The following CLIP4 variants were observed in gnomAD, a reference collection of about 807,000 sequenced individuals.
The protein encoded by CLIP4 is CAP-Gly domain-containing linker protein 4.
CLIP4 carries 47 observed loss-of-function variants against 73.1 expected under a neutral mutation model. The ratio of observed to expected loss-of-function variants is 0.64; its 90% CI spans 0.51 to 0.82. The LOEUF (loss-of-function observed/expected upper bound fraction) is 0.82, where lower values mean the gene tolerates loss of function less well. Ranked by LOEUF, CLIP4 falls within the 40% of genes least tolerant of loss-of-function variation. The pLI, the probability that CLIP4 is intolerant of heterozygous loss-of-function variation, is 0.00. For missense variants in CLIP4, 874 were observed against 852.9 expected, an observed-to-expected ratio of 1.02 and a Z score of -0.31; for synonymous variants, 306 against 295.4, an observed-to-expected ratio of 1.04 and a Z score of -0.37.
intron 6 of CLIP4, among the ~76,000 whole-genome samples, chr2:29,136,305 G>A (rs542444096): frequency 6.6e-6 from 1 of 152,072 alleles, no homozygotes; most frequent in Non-Finnish European, 1.5e-5. Flanking sequence ...TGTGTGAGCG[G>A]CAGATAGTGT....
chr2:29,166,557 A>ACG (rs1212127129), intron 13 of CLIP4, among the ~76,000 whole-genome samples: 1 of 146,154 alleles, frequency 6.8e-6, no homozygotes, highest in Non-Finnish European at 1.5e-5. Flanking sequence ...ACACACACAC[A>ACG]CACACTGCTC....
intron 4 of CLIP4, chr2:29,132,507 C>T: frequency 2.4e-6 from 1 of 412,770 alleles, no homozygotes; most frequent in Non-Finnish European, 4.3e-6. Flanking sequence ...TAACTAGTAA[C>T]ACCCTAAAAT....
rs569635536 is a variant in CLIP4, at chr2:29,182,627, A to G, written c.*734A>G. The G allele has an allele frequency of 6.6e-6, 1 of 152,626 alleles. No homozygotes were observed. Among genetic ancestry groups the G allele is most frequent in the African/African-American group, 2.4e-5 (1 of 41,516 alleles). 9.5% of individuals were successfully genotyped at this position (152,626 alleles called of 1,614,324 possible). ...CTCTTTCTGCTATACAAAATGTCTA[A>G]TCTCAGATTTTTCTTCTGCTGCTTG... is the stretch of plus-strand genomic sequence containing the variant. On this transcript the variant is annotated 3_prime_UTR_variant, in exon 16 of 16. Transcript: ENST00000320081.
rs144902488 is a variant in CLIP4, at chr2:29,130,290, T to C, written c.134-968T>C. On this transcript the variant is annotated intron_variant, in intron 2 of 15. Coordinates refer to ENST00000320081, the MANE Select transcript of CLIP4 (RefSeq NM_024692.6). ...CAGGGTGCTTTTCTTAATATAAATA[T>C]TAAGTTAGTAAAAAACTGCAAATAG... Among the ~76,000 whole-genome samples the C allele has an allele frequency of 3.7e-3, 564 of 152,242 alleles. 7 individuals are homozygous for C. The highest frequency in any genetic ancestry group is 0.012 in the African/African-American group (518 of 41,526).
In CLIP4 at chr2:29,121,669, T is replaced by C. The variant is rs151139487; in HGVS notation, c.133+148T>C. 5.5e-4 allele frequency: 467 copies of C among 856,150 alleles called. No homozygotes were observed. The African/African-American group carries it at 7.3e-3, about 13-fold the overall frequency. 53.0% of individuals were successfully genotyped at this position (856,150 alleles called of 1,614,324 possible). On this transcript the variant is annotated intron_variant, in intron 2 of 15. Transcript: ENST00000320081. ...TTCCTTTTTCAAAAATACAATTGCTTATTGCTTTTTCTGCTTCTTAAGCTA... is the reference window on the plus strand; with the variant it reads ...TTCCTTTTTCAAAAATACAATTGCTCATTGCTTTTTCTGCTTCTTAAGCTA...
chr2:29,146,811 T>G (rs1231632337), intron 8 of CLIP4, among the ~76,000 whole-genome samples: 1 of 152,176 alleles, frequency 6.6e-6, no homozygotes, highest in Non-Finnish European at 1.5e-5. Context: ...GACACTATCA[T>G]AAGGACTAGT....
At chr2:29,102,156 T>C (rs149120217) in intron 1 of CLIP4, among the ~76,000 whole-genome samples, 134 of 152,270 alleles carry the variant, frequency 8.8e-4, no homozygotes, top group African/African-American at 3.1e-3. Context: ...GGGAACTGAA[T>C]GAACCCTATT....
intron 6 of CLIP4, among the ~76,000 whole-genome samples, chr2:29,136,795 G>T (rs1665397360): frequency 6.6e-6 from 1 of 152,042 alleles, no homozygotes; most frequent in Non-Finnish European, 1.5e-5. Flanking sequence ...TGTGAAGGGG[G>T]GAGGCGTTTG....
upstream of CLIP4, among the ~76,000 whole-genome samples, chr2:29,111,653 G>A (rs114956131): frequency 3.5e-3 from 535 of 152,160 alleles, 2 homozygotes; most frequent in African/African-American, 0.012. Context: ...TTTGATTTGT[G>A]AAAAGTTCCT....
intron 1 of CLIP4, among the ~76,000 whole-genome samples, chr2:29,103,666 G>T (rs780752783): frequency 6.0e-5 from 9 of 150,190 alleles, no homozygotes; most frequent in Non-Finnish European, 1.2e-4. Flanking sequence ...TGACCAACTT[G>T]TTTCAATTTT....
At chr2:29,133,871 C>T (rs1665159776) in intron 5 of CLIP4, 55 bp downstream of exon 5, 6 of 1,382,376 alleles carry the variant, frequency 4.3e-6, no homozygotes, top group Non-Finnish European at 5.8e-6. Flanking sequence ...TTAGTGGTGG[C>T]ATAAAAATTA....
At chr2:29,157,005 ATAT>A (rs1444756656) in intron 10 of CLIP4, among the ~76,000 whole-genome samples, 196 bp from the exon 11 acceptor site, 2 of 152,196 alleles carry the variant, frequency 1.3e-5, no homozygotes, top group Non-Finnish European at 2.9e-5. Context: ...AATCCTTAAA[ATAT>A]TATTGCTTGT....
chr2:29,133,950 G>T, intron 5 of CLIP4, 134 bp downstream of exon 5: 1 of 700,434 alleles, frequency 1.4e-6, no homozygotes, highest in Non-Finnish European at 2.2e-6. Context: ...TTTTATTTCT[G>T]AGATAGTTTA....
Position 29,132,239 on chromosome 2 carries a change from G to C in CLIP4, c.361G>C (p.Gly121Arg), listed in dbSNP as rs1330198173. The C allele has an allele frequency of 6.2e-7, 1 of 1,611,738 alleles. No individual in the cohort carries two copies. Among genetic ancestry groups the C allele is most frequent in the African/African-American group, 1.3e-5 (1 of 74,834 alleles). ...LHYTCKSGAH[G>R]IGDVETAVKF... is the part of the protein sequence containing the mutation. ...TTATACCTGCAAATCTGGAGCTCAT[G>C]GTATTGGTAAGTGTGTGGTAAATCT... The change falls in exon 4 of 16, where the codon GGT becomes CGT. Residue 121 changes from glycine to arginine, a missense_variant. Coordinates refer to ENST00000320081, the MANE Select transcript of CLIP4 (RefSeq NM_024692.6).
At chr2:29,100,640 T>G (rs779565082) in intron 1 of CLIP4, among the ~76,000 whole-genome samples, 3 of 151,562 alleles carry the variant, frequency 2.0e-5, no homozygotes, top group Admixed American at 6.6e-5. Flanking sequence ...ACAATTTGGT[T>G]TTAAGGTGTG....
intron 8 of CLIP4, among the ~76,000 whole-genome samples, chr2:29,148,141 G>C (rs959001063): frequency 1.3e-5 from 2 of 152,288 alleles, no homozygotes; most frequent in Admixed American, 1.3e-4. Context: ...CAGGGGTCAT[G>C]TGTTGGATTG....
At position 29,156,410 on chromosome 2, in the gene CLIP4, G is replaced by A; in HGVS notation, c.1222G>A (p.Gly408Ser). 1 of 1,587,788 alleles carries A rather than the reference G, an allele frequency of 6.3e-7. No homozygotes were observed. Among genetic ancestry groups the A allele is most frequent in the Non-Finnish European group, 8.5e-7 (1 of 1,173,336 alleles). ...ASESTLSLPP[G>S]EELKTVTEKD... The stretch of plus-strand genomic sequence containing the variant: ...TGAGTCAACACTTTCATTGCCTCCT[G>A]GTGAAGAACTTAAAACTGTGACAGA... Residue 408 changes from glycine to serine, a missense_variant, in exon 10 of 16, where the codon GGT (glycine) becomes AGT (serine). By Grantham distance (56) the Gly-to-Ser change is moderately conservative. Transcript: ENST00000320081.
intron 5 of CLIP4, among the ~76,000 whole-genome samples, chr2:29,134,345 G>T (rs531897029): frequency 5.9e-5 from 9 of 151,978 alleles, no homozygotes; most frequent in African/African-American, 2.2e-4. Context: ...GGTTCTCTTG[G>T]GGCCCAATTT....
chr2:29,140,048 C>A (rs1227580296), intron 6 of CLIP4, among the ~76,000 whole-genome samples: 1 of 151,052 alleles, frequency 6.6e-6, no homozygotes, highest in Non-Finnish European at 1.5e-5. Context: ...ATTTTTTTAA[C>A]GTGTTTTTAT....
Sources: allele counts gnomAD v4.1 joint callset (sites outside exome capture counted in the v4.1 genomes callset), GRCh38; gene constraint gnomAD v4.1.1; transcripts MANE v1.5; gene names NCBI Gene and HGNC (gene_info 2026-07-23, HGNC 2026-07-21).